The following ABCG1 variants were observed in gnomAD, a reference collection of about 807,000 sequenced individuals.
ABCG1 encodes ATP-binding cassette sub-family G member 1.
Under a neutral mutation model 69.2 loss-of-function variants are expected in ABCG1, and 29 were observed. The ratio of observed to expected loss-of-function variants is 0.42; its 90% CI spans 0.31 to 0.57. The LOEUF is 0.57. ABCG1 is among the 20% of genes least tolerant of loss of function. ABCG1 has a pLI of 0.15. For synonymous variants in ABCG1, 370 were observed against 374.8 expected (o/e 0.99, Z 0.15); for missense variants, 718 against 898.1 (o/e 0.80, Z 2.56).
rs774031324 is a variant in ABCG1 at position 42,282,435 on chromosome 21, C to A, written c.734+16C>A. ...AGCCCACCAGGTAAGTCAGGAGCAT[C>A]TGAGCTGGTGTCCAGGGGCAGGAAG... On this transcript the variant is annotated intron_variant, in intron 6 of 14. Coordinates refer to ENST00000398449, the MANE Select transcript of ABCG1 (RefSeq NM_016818.3). 4 of 1,605,884 alleles carry A rather than the reference C, an allele frequency of 2.5e-6. No homozygotes were observed. The highest frequency in any genetic ancestry group is 3.4e-6 in the Non-Finnish European group (4 of 1,174,126).
intron 2 of ABCG1, among the ~76,000 whole-genome samples, chr21:42,226,179 G>A (rs566068346): frequency 3.7e-4 from 57 of 152,332 alleles, no homozygotes; most frequent in South Asian, 1.7e-3. Context: ...AAAGATTGAC[G>A]GGTGTCAAAG....
chr21:42,230,074 G>A (rs2067878870), intron 2 of ABCG1, among the ~76,000 whole-genome samples: 1 of 152,192 alleles, frequency 6.6e-6, no homozygotes, highest in South Asian at 2.1e-4. Flanking sequence ...TACAAGAAAG[G>A]CGATGCGGGA....
intron 2 of ABCG1, among the ~76,000 whole-genome samples, chr21:42,239,749 A>G (rs1569214025): frequency 6.6e-6 from 1 of 152,250 alleles, no homozygotes; most frequent in Non-Finnish European, 1.5e-5. Flanking sequence ...TCCTAGAGCC[A>G]GCTTCCGGTT....
At chr21:42,227,862 AAGAACCCACACACATTT>A (rs1428580223) in intron 2 of ABCG1, among the ~76,000 whole-genome samples, 2 of 152,104 alleles carry the variant, frequency 1.3e-5, no homozygotes, top group Non-Finnish European at 2.9e-5. Context: ...GAGAGCATAA[AAGAACCCACACACATTT>A]AGAACATTAG....
In ABCG1 at chr21:42,219,380, A is replaced by G. The variant is rs2067684332; in HGVS notation, c.42+76A>G. The stretch of plus-strand genomic sequence containing the variant: ...AGCAGGAAACACACAAAGACTCGCA[A>G]GCTCGACCTGACACCCCTCCCAGGA... On this transcript the variant is annotated intron_variant, in intron 1 of 14. Coordinates refer to ENST00000398449, the MANE Select transcript of ABCG1 (RefSeq NM_016818.3). The surrounding 1 kb of genome is among the most constrained non-coding windows in gnomAD (Gnocchi z 5.3). 7.8e-6 allele frequency: 12 copies of G among 1,545,656 alleles called. No homozygotes were observed. The highest frequency in any genetic ancestry group is 1.4e-5 in the African/African-American group (1 of 71,030).
At chr21:42,254,492 GA>G (rs1569220911) in intron 2 of ABCG1, among the ~76,000 whole-genome samples, 4 of 152,290 alleles carry the variant, frequency 2.6e-5, no homozygotes, top group African/African-American at 7.2e-5. Context: ...CGTGTGTTTT[GA>G]GATCCATTTT....
At chr21:42,211,893 ACAAAAAT>A (rs1432659798), upstream of ABCG1, among the ~76,000 whole-genome samples, 1 of 152,152 alleles carries the variant, frequency 6.6e-6, no homozygotes, top group African/African-American at 2.4e-5. Context: ...TGTCTTAAAA[ACAAAAAT>A]CAAAAAACAA....
intron 5 of ABCG1, among the ~76,000 whole-genome samples, chr21:42,279,231 C>T (rs1045047053): frequency 2.6e-5 from 4 of 151,958 alleles, no homozygotes; most frequent in East Asian, 3.9e-4. Flanking sequence ...TGATGCTCGG[C>T]GTGGAGGAGG....
At position 42,289,928 on chromosome 21, in the gene ABCG1, A is replaced by C. The variant is rs4148136; in HGVS notation, c.1225-122A>C. On this transcript the variant is annotated intron_variant, in intron 10 of 14. Transcript: ENST00000398449. ...TTTCTCTGGAGGAGAAGACAGGATA[A>C]AGTCTAAGACGTGCTGTCACAGAGT... The C allele has an allele frequency of 1.0e-4, 111 of 1,076,350 alleles. No individual in the cohort carries two copies. The East Asian group carries it at 2.8e-3, about 27-fold the overall frequency. The allele number at this position is 1,076,350 out of a possible 1,614,324, so 66.7% of individuals were successfully genotyped here.
chr21:42,280,654 T>TG (rs1305880268), intron 5 of ABCG1, among the ~76,000 whole-genome samples: 7 of 152,194 alleles, frequency 4.6e-5, no homozygotes, highest in African/African-American at 1.7e-4. Context: ...GCCCAGCTCA[T>TG]GGGCAGGGGT....
chr21:42,218,609 C>T (rs982470079), upstream of ABCG1, among the ~76,000 whole-genome samples: 6 of 152,226 alleles, frequency 3.9e-5, no homozygotes, highest in African/African-American at 1.4e-4. Context: ...TGCCTCACTG[C>T]CAGGGGTCAC....
rs565346199 is a variant in ABCG1 at position 42,276,769 on chromosome 21, T to G, written c.538-126T>G. ...AGCTGCACTGTGGGTAGCTGCACCG[T>G]GGCTAGTGGCACTGTGGCTAGCTGC... On this transcript the variant is annotated intron_variant, in intron 4 of 14. Coordinates refer to ENST00000398449, the MANE Select transcript of ABCG1 (RefSeq NM_016818.3). This position sits in a 1 kb window ranked among gnomAD's most constrained non-coding sequence, Gnocchi z 5.3. 1 of 917,888 alleles carries G rather than the reference T, an allele frequency of 1.1e-6. No homozygotes were observed. Among genetic ancestry groups the G allele is most frequent in the Admixed American group, 1.9e-5 (1 of 53,570 alleles). 56.9% of individuals were successfully genotyped at this position (917,888 alleles called of 1,614,324 possible). A position where few individuals can be genotyped will look rare whatever the true frequency, so the allele number is the denominator to read the frequency against.
chr21:42,216,124 C>T (rs112156022), upstream of ABCG1: 180 of 451,516 alleles, frequency 4.0e-4, no homozygotes, highest in African/African-American at 2.7e-3. Context: ...TCTTGTCTGC[C>T]GCCATGTGAG....
At chr21:42,264,475 A>ATCCATCCATTCATCTATTCATCCG (rs2068468264) in intron 2 of ABCG1, among the ~76,000 whole-genome samples, 1 of 151,640 alleles carries the variant, frequency 6.6e-6, no homozygotes, top group Non-Finnish European at 1.5e-5. Flanking sequence ...CTATTCATCC[A>ATCCATCCATTCATCTATTCATCCG]TCTGTCCATC....
intron 2 of ABCG1, among the ~76,000 whole-genome samples, chr21:42,235,326 C>T (rs2067963964): frequency 1.3e-5 from 2 of 152,222 alleles, no homozygotes; most frequent in Admixed American, 1.3e-4. Context: ...GTCTGCGCCC[C>T]TGTGGCTTCA....
At chr21:42,274,499 G>T (rs770053378) in intron 4 of ABCG1, among the ~76,000 whole-genome samples, 6 of 120,308 alleles carry the variant, frequency 5.0e-5, no homozygotes, top group Non-Finnish European at 1.0e-4. Flanking sequence ...TTTGGGGACA[G>T]AGTCTCGCTC....
At chr21:42,259,244 T>G in intron 2 of ABCG1, 3 of 1,450,716 alleles carry the variant, frequency 2.1e-6, no homozygotes, top group East Asian at 2.6e-5. Context: ...TGGAGCAGAG[T>G]CAGCAAAGCA....
chr21:42,282,097 C>G (rs1402039148), intron 5 of ABCG1, among the ~76,000 whole-genome samples, 177 bp from the exon 6 acceptor site: 1 of 152,246 alleles, frequency 6.6e-6, no homozygotes, highest in Non-Finnish European at 1.5e-5. Context: ...GGAAATGGCA[C>G]CTGCCCCACT....
At chr21:42,204,131 G>A (rs2067526179) in intron 2 of ABCG1, among the ~76,000 whole-genome samples, 1 of 152,158 alleles carries the variant, frequency 6.6e-6, no homozygotes, top group Non-Finnish European at 1.5e-5. Flanking sequence ...ATTGTTTCAG[G>A]AGTGCTTTTG....
Sources: gnomAD v4.1 joint callset for allele counts (sites outside exome capture counted in the v4.1 genomes callset) on GRCh38, gnomAD v4.1.1 for gene constraint, Gnocchi (gnomAD v3.1) non-coding constraint, MANE v1.5 for transcripts, NCBI Gene and HGNC (gene_info 2026-07-23, HGNC 2026-07-21) for gene names.